FBN1: variants seen among roughly 807,000 people sequenced by gnomAD.
FBN1 encodes the protein fibrillin-1.
FBN1 carries 29 observed loss-of-function variants against 365.1 expected under a neutral mutation model. That is an observed-to-expected ratio of 0.08 (90% CI 0.06 to 0.11). The LOEUF is 0.11. Among genes scored for constraint, FBN1 ranks in the 10% least tolerant of loss-of-function variants. The probability of loss-of-function intolerance (pLI) is 1.00; values close to 1 mark genes in which losing one functional copy is unlikely to be tolerated. For missense variants in FBN1, 2,476 were observed against 3,703.2 expected (o/e 0.67, Z 8.60); for synonymous variants, 1,210 against 1,270.5 (o/e 0.95, Z 1.01).
At chr15:48,567,998 T>TGAGAAAGA (rs1555403244) in intron 6 of FBN1, among the ~76,000 whole-genome samples, 4 of 56,534 alleles carry the variant, frequency 7.1e-5, no homozygotes, top group African/African-American at 3.1e-4. Context: ...AGTATACAGA[T>TGAGAAAGA]AAGAAAGAAA....
intron 6 of FBN1, among the ~76,000 whole-genome samples, chr15:48,542,346 C>T (rs1459512751): frequency 6.6e-6 from 1 of 152,132 alleles, no homozygotes; most frequent in Admixed American, 6.6e-5. Flanking sequence ...TATTTTAAAT[C>T]CTTCTTTTCA....
intron 31 of FBN1, 37 bp from the exon 32 acceptor site, chr15:48,481,817 T>C (rs751411128): frequency 6.3e-7 from 1 of 1,577,640 alleles, no homozygotes; most frequent in Non-Finnish European, 8.7e-7. Flanking sequence ...ATGTAGCTAT[T>C]TGATATCATT....
In FBN1 at chr15:48,425,507, T is replaced by C; in HGVS notation, c.7331-16A>G. On this transcript the variant is annotated splice_polypyrimidine_tract_variant and intron_variant, in intron 59 of 65. Transcript: ENST00000316623. ...TCGTTCAGATCTATGATCAAAGAAA[T>C]ACAGCGTGACTGTGCATCTAAAAAT... The C allele has an allele frequency of 6.2e-7, 1 of 1,613,926 alleles. No homozygotes were observed. Among genetic ancestry groups the C allele is most frequent in the Non-Finnish European group, 8.5e-7 (1 of 1,179,974 alleles).
chr15:48,569,804 A>AT (rs370076651), intron 6 of FBN1, among the ~76,000 whole-genome samples: 16 of 152,118 alleles, frequency 1.1e-4, no homozygotes, highest in East Asian at 5.8e-4. Flanking sequence ...GAGAGCAAGG[A>AT]TTTTTTGCCA....
At chr15:48,461,989 C>T (rs763340801) in intron 42 of FBN1, among the ~76,000 whole-genome samples, 1 of 152,090 alleles carries the variant, frequency 6.6e-6, no homozygotes, top group South Asian at 2.1e-4. Flanking sequence ...TTTTGCCAAG[C>T]CCTGGTCTAG....
rs113544411 is a variant in FBN1, at chr15:48,421,652, G to A, written c.7605C>T (p.Cys2535=). 6.8e-6 allele frequency: 11 copies of A among 1,613,462 alleles called. No homozygotes were observed. Among genetic ancestry groups the A allele is most frequent in the Middle Eastern group, 1.7e-4 (1 of 6,050 alleles). Residue 2535 remains cysteine (C), a synonymous_variant, in exon 62 of 66, where the codon TGC becomes TGT. Transcript: ENST00000316623. ...NNECTSDINL[C]GSKGICQNTP... is the part of the protein sequence containing the mutation. The stretch of plus-strand genomic sequence containing the variant: ...TGTTCTGGCAAATGCCCTTAGACCC[G>A]CACAGATTGATGTCAGAGGTGCATT...
chr15:48,565,154 C>T (rs776394957), intron 6 of FBN1, among the ~76,000 whole-genome samples: 5 of 152,176 alleles, frequency 3.3e-5, no homozygotes, highest in Admixed American at 6.6e-5. Context: ...ACAGCTGTCT[C>T]TCACCTCCCC....
At chr15:48,430,877 T>C (rs1451842793) in intron 55 of FBN1, 75 bp from the exon 56 acceptor site, 7 of 1,479,884 alleles carry the variant, frequency 4.7e-6, no homozygotes, top group Non-Finnish European at 6.5e-6. Flanking sequence ...CTTTTAAACA[T>C]AAAATGTTAG....
intron 36 of FBN1, among the ~76,000 whole-genome samples, chr15:48,468,864 C>T (rs1437367981): frequency 7.3e-5 from 11 of 150,878 alleles, no homozygotes; most frequent in African/African-American, 2.2e-4. Flanking sequence ...GTCAGGAGAT[C>T]GAGACCATCC....
intron 32 of FBN1, among the ~76,000 whole-genome samples, chr15:48,478,639 C>T (rs1189338267): frequency 6.6e-6 from 1 of 152,116 alleles, no homozygotes; most frequent in Admixed American, 6.5e-5. Flanking sequence ...AAATTGTAAT[C>T]CAGCCCACTT....
chr15:48,471,316 A>G (rs767281404), intron 35 of FBN1, among the ~76,000 whole-genome samples: 1 of 152,010 alleles, frequency 6.6e-6, no homozygotes, highest in Admixed American at 6.6e-5. Flanking sequence ...ACACAGTCAC[A>G]TTTTCAGGCT....
chr15:48,608,338 C>A (rs954464863), intron 4 of FBN1, among the ~76,000 whole-genome samples: 1 of 152,070 alleles, frequency 6.6e-6, no homozygotes, highest in African/African-American at 2.4e-5. Flanking sequence ...CTAAATTGAT[C>A]CTTTTTAGTA....
chr15:48,448,223 TAAAG>T (rs1042301501), intron 46 of FBN1, among the ~76,000 whole-genome samples: 8 of 151,922 alleles, frequency 5.3e-5, no homozygotes, highest in Admixed American at 4.6e-4. Context: ...AGTAGAAAAA[TAAAG>T]GAAGGAAAAG....
chr15:48,572,468 G>A (rs188814420), intron 6 of FBN1, among the ~76,000 whole-genome samples: 46 of 151,554 alleles, frequency 3.0e-4, no homozygotes, highest in Non-Finnish European at 3.4e-4. Context: ...AGAAGCTCCA[G>A]ACCAGAAACA....
At position 48,534,148 on chromosome 15, in the gene FBN1, G is replaced by A. The variant is rs762310407; in HGVS notation, c.794C>T (p.Thr265Ile). The change falls in exon 8 of 66, where the codon ACT becomes ATT. Residue 265 changes from threonine (T) to isoleucine (I), a missense_variant. Physicochemically the swap from Thr to Ile is moderately conservative, Grantham distance 89 (BLOSUM62 -1). Around this residue, in one of 5 missense-constraint regions of FBN1, gnomAD observed 421 missense variants for 520.1 expected, o/e 0.81. Coordinates refer to ENST00000316623, the MANE Select transcript of FBN1 (RefSeq NM_000138.5). ...GLCQGGNCINTVGSFECKCPA... is the reference protein window; with the variant it reads ...GLCQGGNCINIVGSFECKCPA... ...GCATTTGCACTCAAAAGACCCAACA[G>A]TATTAATGCAATTTCCTCCCTGACA... 14 of 1,612,934 alleles carry A rather than the reference G, an allele frequency of 8.7e-6. No individual in the cohort carries two copies. The highest frequency in any genetic ancestry group is 1.7e-5 in the Admixed American group (1 of 59,930).
chr15:48,517,933 C>T (rs1232919795), intron 10 of FBN1, among the ~76,000 whole-genome samples: 2 of 152,206 alleles, frequency 1.3e-5, no homozygotes, highest in South Asian at 2.1e-4. Context: ...TTCAACCTCA[C>T]GGGACATTCT....
At chr15:48,615,325 G>T (rs1398079875) in intron 2 of FBN1, among the ~76,000 whole-genome samples, 1 of 151,580 alleles carries the variant, frequency 6.6e-6, no homozygotes, top group East Asian at 1.9e-4. Context: ...GACATAATAT[G>T]TCACAGTCAT....
intron 22 of FBN1, among the ~76,000 whole-genome samples, 156 bp downstream of exon 22, chr15:48,494,967 C>T (rs2043592001): frequency 6.6e-6 from 1 of 152,198 alleles, no homozygotes; most frequent in African/African-American, 2.4e-5. Flanking sequence ...TAAAATTTGA[C>T]ACTTCTTATT....
chr15:48,504,025 A>G (rs1206676771), intron 16 of FBN1, 86 bp from the exon 17 acceptor site: 3 of 1,500,330 alleles, frequency 2.0e-6, no homozygotes, highest in Middle Eastern at 2.1e-4. Flanking sequence ...GGCTTTATTT[A>G]TCCATCATCC....
Sources: allele counts gnomAD v4.1 joint callset (sites outside exome capture counted in the v4.1 genomes callset), GRCh38; gene constraint gnomAD v4.1.1; regional missense constraint gnomAD v4.1.1; transcripts MANE v1.5; gene names NCBI Gene and HGNC (gene_info 2026-07-23, HGNC 2026-07-21).